Variants in TAFA1 observed in about 807,000 individuals in gnomAD.
TAFA1 encodes the protein chemokine-like protein TAFA-1.
A neutral mutation model predicts 18.5 loss-of-function variants in TAFA1; 4 were observed. The ratio of observed to expected loss-of-function variants is 0.22; its 90% CI spans 0.11 to 0.49. The LOEUF is 0.49. Among genes scored for constraint, TAFA1 ranks in the 20% least tolerant of loss-of-function variants. The pLI is 0.98. For synonymous variants in TAFA1, 56 were observed against 55.2 expected, an observed-to-expected ratio of 1.01 and a Z score of -0.06; for missense variants, 147 against 169.0, an observed-to-expected ratio of 0.87 and a Z score of 0.72.
chr3:68,105,858 T>A (rs2065196994), intron 2 of TAFA1, among the ~76,000 whole-genome samples: 1 of 152,122 alleles, frequency 6.6e-6, no homozygotes, highest in Non-Finnish European at 1.5e-5. Context: ...CCAGGCCTAA[T>A]CTATCTGGTA....
chr3:68,225,253 T>G (rs2107102844), intron 2 of TAFA1, among the ~76,000 whole-genome samples: 1 of 152,210 alleles, frequency 6.6e-6, no homozygotes, highest in African/African-American at 2.4e-5. Context: ...TTTATTTCCC[T>G]GTGTTTAAGC....
At chr3:68,428,948 T>G (rs1309575505) in intron 3 of TAFA1, among the ~76,000 whole-genome samples, 12 of 152,036 alleles carry the variant, frequency 7.9e-5, no homozygotes, top group African/African-American at 1.4e-4. Context: ...CTAAACCTTC[T>G]CAATAGAGGT....
intron 2 of TAFA1, among the ~76,000 whole-genome samples, chr3:68,114,384 GA>G (rs1285604244): frequency 6.6e-6 from 1 of 152,142 alleles, no homozygotes; most frequent in Non-Finnish European, 1.5e-5. Flanking sequence ...CTAAGTTGTA[GA>G]ATAGTTTGTC....
At chr3:68,180,503 C>T (rs1292953114) in intron 2 of TAFA1, among the ~76,000 whole-genome samples, 2 of 152,170 alleles carry the variant, frequency 1.3e-5, no homozygotes, top group Non-Finnish European at 2.9e-5. Flanking sequence ...ATTGTCCCAA[C>T]ATAAGAAGTT....
At chr3:68,283,520 G>T (rs1041189413) in intron 2 of TAFA1, among the ~76,000 whole-genome samples, 1 of 152,026 alleles carries the variant, frequency 6.6e-6, no homozygotes, top group African/African-American at 2.4e-5. Flanking sequence ...ACATTCCTGG[G>T]TGCATCCTGG....
chr3:68,010,490 A>AGGCCGT (rs1704450985), intron 2 of TAFA1, among the ~76,000 whole-genome samples: 1 of 152,178 alleles, frequency 6.6e-6, no homozygotes, highest in South Asian at 2.1e-4. Flanking sequence ...CGTTTTTGTG[A>AGGCCGT]GGCCGTGAAT....
intron 2 of TAFA1, among the ~76,000 whole-genome samples, chr3:68,346,729 A>C (rs1247925687): frequency 1.3e-5 from 2 of 152,212 alleles, no homozygotes; most frequent in East Asian, 1.9e-4. Context: ...TTCAAGCGAC[A>C]AAGTAATTTG....
At chr3:68,340,476 G>A (rs376179441) in intron 2 of TAFA1, among the ~76,000 whole-genome samples, 4 of 152,178 alleles carry the variant, frequency 2.6e-5, no homozygotes, top group African/African-American at 7.2e-5. Flanking sequence ...TCTCCTTTGC[G>A]AAGTATTATG....
At chr3:68,441,015 A>G (rs1460957408) in intron 3 of TAFA1, among the ~76,000 whole-genome samples, 4 of 152,128 alleles carry the variant, frequency 2.6e-5, no homozygotes, top group Non-Finnish European at 5.9e-5. Context: ...TAAAATTTCT[A>G]GGGGTCCAGT....
At chr3:68,059,568 C>T (rs1367690760) in intron 2 of TAFA1, among the ~76,000 whole-genome samples, 2 of 152,078 alleles carry the variant, frequency 1.3e-5, no homozygotes, top group Non-Finnish European at 2.9e-5. Context: ...AGGGGGAATG[C>T]TGGGTAGAGA....
At chr3:68,053,128 C>G (rs1403574301) in intron 2 of TAFA1, among the ~76,000 whole-genome samples, 1 of 152,120 alleles carries the variant, frequency 6.6e-6, no homozygotes, top group Non-Finnish European at 1.5e-5. Flanking sequence ...GCAGTCATTT[C>G]TGGTCCATTT....
upstream of TAFA1, among the ~76,000 whole-genome samples, chr3:68,002,078 GA>G (rs1704289547): frequency 6.6e-6 from 1 of 152,184 alleles, no homozygotes; most frequent in African/African-American, 2.4e-5. Context: ...TCAGAAGGTG[GA>G]AAGGCTCAAC....
chr3:68,450,135 G>C (rs2106892435), intron 3 of TAFA1, among the ~76,000 whole-genome samples: 1 of 152,318 alleles, frequency 6.6e-6, no homozygotes, highest in South Asian at 2.1e-4. Context: ...AAGGGATGCA[G>C]TCAAACAATC....
At chr3:68,522,680 T>C (rs1170641262) in intron 3 of TAFA1, among the ~76,000 whole-genome samples, 83 of 140,020 alleles carry the variant, frequency 5.9e-4, no homozygotes, top group Middle Eastern at 8.1e-3. Flanking sequence ...GAAACCCCGT[T>C]TCTACTAAAA....
At chr3:68,043,599 A>G (rs1324559357) in intron 2 of TAFA1, among the ~76,000 whole-genome samples, 1 of 152,238 alleles carries the variant, frequency 6.6e-6, no homozygotes, top group Non-Finnish European at 1.5e-5. Flanking sequence ...TCTGGCATCT[A>G]AAAGTGAGGC....
intron 4 of TAFA1, among the ~76,000 whole-genome samples, chr3:68,543,485 C>A (rs757192229): frequency 3.9e-5 from 6 of 152,058 alleles, no homozygotes; most frequent in Non-Finnish European, 8.8e-5. Flanking sequence ...GTTTTATTCC[C>A]TAAAACGAGG....
intron 2 of TAFA1, among the ~76,000 whole-genome samples, chr3:68,370,183 G>A (rs2069652799): frequency 1.4e-5 from 2 of 141,560 alleles, no homozygotes; most frequent in Non-Finnish European, 3.0e-5. Flanking sequence ...AGCTACTAGG[G>A]AGGCTGAGAC....
chr3:68,118,966 G>C (rs541996356), intron 2 of TAFA1, among the ~76,000 whole-genome samples: 1 of 151,932 alleles, frequency 6.6e-6, no homozygotes, highest in Non-Finnish European at 1.5e-5. Context: ...TTCCACAGGG[G>C]CAACGTCATT....
intron 3 of TAFA1, among the ~76,000 whole-genome samples, chr3:68,520,403 G>A (rs1414592001): frequency 1.3e-5 from 2 of 152,096 alleles, no homozygotes; most frequent in Non-Finnish European, 2.9e-5. Context: ...CTGATGTTCA[G>A]TTTTCTCCCA....
Sources: gnomAD v4.1 joint callset for allele counts (sites outside exome capture counted in the v4.1 genomes callset) on GRCh38, gnomAD v4.1.1 for gene constraint, MANE v1.5 for transcripts, NCBI Gene and HGNC (gene_info 2026-07-23, HGNC 2026-07-21) for gene names.